Variants in DLGAP2 observed in about 807,000 individuals in gnomAD.
DLGAP2 encodes the protein DLG associated protein 2.
Under a neutral mutation model 100.3 loss-of-function variants are expected in DLGAP2, and 26 were observed. The ratio of observed to expected loss-of-function variants is 0.26; its 90% CI spans 0.19 to 0.36. The LOEUF (loss-of-function observed/expected upper bound fraction) is 0.36, where lower values mean the gene tolerates loss of function less well. DLGAP2 is among the 10% of genes least tolerant of loss of function. DLGAP2 has a pLI of 1.00. For synonymous variants in DLGAP2, 886 were observed against 630.1 expected (o/e 1.41, Z -6.08); for missense variants, 1,858 against 1,453.2 (o/e 1.28, Z -4.53).
intron 2 of DLGAP2, among the ~76,000 whole-genome samples, chr8:1,241,845 C>G (rs969586939): frequency 6.6e-6 from 1 of 152,040 alleles, no homozygotes; most frequent in Non-Finnish European, 1.5e-5. Context: ...TTAATTTTCA[C>G]AACTTGATAT....
At chr8:1,351,711 C>CTG (rs2129634540) in intron 3 of DLGAP2, among the ~76,000 whole-genome samples, 1 of 59,808 alleles carries the variant, frequency 1.7e-5, no homozygotes, top group Non-Finnish European at 3.3e-5. Context: ...GTGGAAAGGC[C>CTG]ATGCGGGTCC....
chr8:772,440 A>C (rs1395653243), intron 1 of DLGAP2, among the ~76,000 whole-genome samples: 1 of 152,070 alleles, frequency 6.6e-6, no homozygotes, highest in Non-Finnish European at 1.5e-5. Flanking sequence ...CCCCAGCTGC[A>C]ACCTCCTGAG....
chr8:1,069,165 T>C (rs1397638249), intron 2 of DLGAP2, among the ~76,000 whole-genome samples: 1 of 152,172 alleles, frequency 6.6e-6, no homozygotes, highest in Non-Finnish European at 1.5e-5. Flanking sequence ...CAAATATTTG[T>C]GGAGAACGAA....
intron 3 of DLGAP2, among the ~76,000 whole-genome samples, chr8:1,331,684 G>T (rs190118216): frequency 6.6e-6 from 1 of 152,136 alleles, no homozygotes; most frequent in Non-Finnish European, 1.5e-5. Context: ...AAAATATCCC[G>T]GATGTGAAAG....
chr8:1,614,919 C>A (rs1797101714), intron 6 of DLGAP2, among the ~76,000 whole-genome samples: 1 of 152,220 alleles, frequency 6.6e-6, no homozygotes, highest in African/African-American at 2.4e-5. Context: ...GAAGTAGAGA[C>A]TATTCACATT....
intron 4 of DLGAP2, among the ~76,000 whole-genome samples, chr8:1,540,222 C>T (rs117531507): frequency 0.014 from 2,066 of 152,270 alleles, 30 homozygotes; most frequent in Non-Finnish European, 0.021. Context: ...GGTAAAGGCC[C>T]GAAACATGGG....
intron 2 of DLGAP2, among the ~76,000 whole-genome samples, chr8:1,005,049 A>G (rs567052749): frequency 6.6e-6 from 1 of 152,310 alleles, no homozygotes; most frequent in African/African-American, 2.4e-5. Context: ...AGTGAAGAGC[A>G]CACAGAAACT....
intron 3 of DLGAP2, among the ~76,000 whole-genome samples, chr8:1,368,035 A>C (rs1268305802): frequency 6.6e-6 from 1 of 151,916 alleles, no homozygotes; most frequent in African/African-American, 2.4e-5. Flanking sequence ...TTGGGGATTG[A>C]CTCTGCTTTC....
At chr8:1,588,770 A>T (rs1796204005) in intron 6 of DLGAP2, among the ~76,000 whole-genome samples, 1 of 151,652 alleles carries the variant, frequency 6.6e-6, no homozygotes, top group East Asian at 1.9e-4. Context: ...AAAGGAAAAA[A>T]AATTAGCTGA....
chr8:887,717 G>A (rs183859424), intron 1 of DLGAP2, among the ~76,000 whole-genome samples: 27 of 152,274 alleles, frequency 1.8e-4, no homozygotes, highest in Middle Eastern at 6.8e-3. Context: ...CTCTTCTGGC[G>A]TGTAGGGTTT....
intron 3 of DLGAP2, among the ~76,000 whole-genome samples, chr8:1,271,904 G>A (rs987167493): frequency 4.6e-5 from 7 of 152,148 alleles, no homozygotes; most frequent in South Asian, 2.1e-4. Context: ...AACCTCCACC[G>A]GGTTCAAGTC....
chr8:829,125 T>G (rs1563053136), intron 1 of DLGAP2, among the ~76,000 whole-genome samples: 3 of 152,260 alleles, frequency 2.0e-5, no homozygotes, highest in Non-Finnish European at 2.9e-5. Flanking sequence ...CCCTAGTGTT[T>G]TCTTCCATTT....
intron 2 of DLGAP2, among the ~76,000 whole-genome samples, chr8:1,190,251 C>T (rs1326851144): frequency 1.3e-5 from 2 of 152,216 alleles, no homozygotes; most frequent in African/African-American, 2.4e-5. Context: ...TCCAAGTCCA[C>T]GGCACTCCCC....
chr8:1,092,495 G>T (rs1160397759), intron 2 of DLGAP2, among the ~76,000 whole-genome samples: 9 of 152,202 alleles, frequency 5.9e-5, no homozygotes, highest in African/African-American at 2.2e-4. Flanking sequence ...GGGTAGGCAT[G>T]CAGGGAGCAT....
intron 2 of DLGAP2, among the ~76,000 whole-genome samples, chr8:1,187,245 T>C (rs572441022): frequency 6.0e-4 from 80 of 134,416 alleles, no homozygotes; most frequent in East Asian, 1.7e-3. Flanking sequence ...GTTTGCCTCA[T>C]GGAATCTCAC....
At chr8:825,917 C>T (rs576815925) in intron 1 of DLGAP2, among the ~76,000 whole-genome samples, 1 of 152,316 alleles carries the variant, frequency 6.6e-6, no homozygotes, top group East Asian at 1.9e-4. Flanking sequence ...CCTGATGTGG[C>T]ATCAAATACT....
intron 4 of DLGAP2, among the ~76,000 whole-genome samples, chr8:1,537,213 A>T (rs892664521): frequency 1.2e-4 from 18 of 152,214 alleles, no homozygotes; most frequent in Admixed American, 4.6e-4. Flanking sequence ...ATATGTGTGT[A>T]CAAAAGCATG....
At chr8:1,056,642 G>A (rs1370418315) in intron 2 of DLGAP2, among the ~76,000 whole-genome samples, 1 of 152,220 alleles carries the variant, frequency 6.6e-6, no homozygotes, top group African/African-American at 2.4e-5. Context: ...GCCAAAATGT[G>A]GATTTATACA....
At chr8:1,318,826 C>T (rs1482981958) in intron 3 of DLGAP2, among the ~76,000 whole-genome samples, 2 of 141,224 alleles carry the variant, frequency 1.4e-5, no homozygotes, top group African/African-American at 5.3e-5. Flanking sequence ...AATGTGTTCC[C>T]CAACAGCTGC....
Sources: allele counts gnomAD v4.1 joint callset (sites outside exome capture counted in the v4.1 genomes callset), GRCh38; gene constraint gnomAD v4.1.1; transcripts MANE v1.5; gene names NCBI Gene and HGNC (gene_info 2026-07-23, HGNC 2026-07-21).